Variants in ANGPTL1 observed in about 807,000 individuals in gnomAD.
ANGPTL1 encodes angiopoietin-related protein 1.
A neutral mutation model predicts 46.7 loss-of-function variants in ANGPTL1; 36 were observed. The ratio of observed to expected loss-of-function variants is 0.77; its 90% confidence interval spans 0.59 to 1.02. The LOEUF is 1.02. ANGPTL1 is among the 50% of genes least tolerant of loss of function. The pLI, the probability that ANGPTL1 is intolerant of heterozygous loss-of-function variation, is 0.00. For synonymous variants in ANGPTL1, 221 were observed against 204.3 expected (o/e 1.08, Z -0.69); for missense variants, 571 against 594.7 (o/e 0.96, Z 0.41).
chr1:178,855,093 A>G (rs1265976859), intron 3 of ANGPTL1, among the ~76,000 whole-genome samples: 1 of 152,128 alleles, frequency 6.6e-6, no homozygotes. Flanking sequence ...GTTCTTAACA[A>G]GAATTTCTGT....
chr1:178,853,869 T>A lies in ANGPTL1; in HGVS notation c.824-82A>T, dbSNP rs551697446. 3.6e-6 allele frequency: 4 copies of A among 1,116,338 alleles called. No homozygotes were observed. The South Asian group carries it at 8.4e-5, about 23-fold the overall frequency. The allele number at this position is 1,116,338 out of a possible 1,614,324, so 69.2% of individuals were successfully genotyped here. On this transcript the variant is annotated intron_variant, in intron 3 of 5. Transcript: ENST00000234816. ...AAAGTTTTTAATCAAGATTTTTACC[T>A]TTGTGTCTTTGTTTACAGTTACCAT...
In ANGPTL1 at chr1:178,852,678, C is replaced by T; in HGVS notation, c.1288+5G>A. 6.2e-7 allele frequency: 1 copy of T among 1,603,886 alleles called. No individual in the cohort carries two copies. The highest frequency in any genetic ancestry group is 8.5e-7 in the Non-Finnish European group (1 of 1,175,024). ...CTACAAAGAATGAAAGTTTTTCATA[C>T]TTACCTGCATACATATCTTTATCTC... On this transcript the variant is annotated splice_donor_5th_base_variant and intron_variant, in intron 5 of 5. Coordinates refer to ENST00000234816, the MANE Select transcript of ANGPTL1 (RefSeq NM_004673.4).
chr1:178,869,318 G>C (rs2102347220), intron 1 of ANGPTL1, 95 bp from the exon 2 acceptor site: 1 of 152,176 alleles, frequency 6.6e-6, no homozygotes, highest in South Asian at 2.1e-4. Context: ...ACTGAAAACA[G>C]CATGAGGCAA....
At chr1:178,856,394 ATTTTTTTTTTTTTTTTT>A (rs71108081) in intron 3 of ANGPTL1, among the ~76,000 whole-genome samples, 7 of 36,432 alleles carry the variant, frequency 1.9e-4, no homozygotes, top group African/African-American at 7.3e-4. Flanking sequence ...TGCCTGGCTA[ATTTTTTTTTTTTTTTTT>A]TTTTTTTTTT....
chr1:178,862,477 G>A (rs1658094759), intron 3 of ANGPTL1, among the ~76,000 whole-genome samples: 1 of 152,158 alleles, frequency 6.6e-6, no homozygotes, highest in Non-Finnish European at 1.5e-5. Context: ...GATAATTTAA[G>A]AGGGACTATA....
intron 3 of ANGPTL1, among the ~76,000 whole-genome samples, chr1:178,857,143 A>G (rs1657641880): frequency 6.6e-6 from 1 of 152,200 alleles, no homozygotes; most frequent in Non-Finnish European, 1.5e-5. Flanking sequence ...ATGGAAGGAA[A>G]AGTAAATTAT....
At chr1:178,856,200 G>GATATATATATATATATAT (rs1348083361) in intron 3 of ANGPTL1, among the ~76,000 whole-genome samples, 5 of 40,936 alleles carry the variant, frequency 1.2e-4, no homozygotes, top group African/African-American at 3.7e-4. Flanking sequence ...CAGAGAGAGA[G>GATATATATATATATATAT]AGATATATAT....
chr1:178,861,845 A>C (rs1265694229), intron 3 of ANGPTL1, among the ~76,000 whole-genome samples: 1 of 152,124 alleles, frequency 6.6e-6, no homozygotes, highest in African/African-American at 2.4e-5. Flanking sequence ...TTCCTTTGGA[A>C]ATCAAAGGGA....
chr1:178,855,608 C>A lies in ANGPTL1; in HGVS notation c.824-1821G>T, dbSNP rs551784923. Among the ~76,000 whole-genome samples the A allele has an allele frequency of 2.0e-5, 3 of 151,710 alleles. No homozygotes were observed. The East Asian group carries it at 5.8e-4, about 29-fold the overall frequency. The stretch of plus-strand genomic sequence containing the variant: ...ATTTTAGGTATTGTATTTTTTAGTT[C>A]TAGAGTTGCAATTTGATTTTTTATA... On this transcript the variant is annotated intron_variant, in intron 3 of 5. Transcript: ENST00000234816.
intron 3 of ANGPTL1, among the ~76,000 whole-genome samples, chr1:178,863,502 C>T (rs953273370): frequency 9.9e-5 from 15 of 152,140 alleles, no homozygotes; most frequent in African/African-American, 3.6e-4. Flanking sequence ...GTCATAACAT[C>T]AGAGGTATTA....
chr1:178,866,054 C>G (rs1000938748), intron 2 of ANGPTL1, among the ~76,000 whole-genome samples: 16 of 151,918 alleles, frequency 1.1e-4, no homozygotes, highest in African/African-American at 3.9e-4. Context: ...TTTTTGTTCC[C>G]CAGTTTATTG....
At position 178,853,806 on chromosome 1, in the gene ANGPTL1, T is replaced by G. The variant is rs1283069868; in HGVS notation, c.824-19A>C. Reference sequence around the variant, plus strand: ...AATGGTCCTATAATTTAAATATCATTTATTATCAGCAAACTTAATATGAGA... The same window carrying G: ...AATGGTCCTATAATTTAAATATCATGTATTATCAGCAAACTTAATATGAGA... On this transcript the variant is annotated intron_variant, in intron 3 of 5. Transcript: ENST00000234816. 1 of 1,524,810 alleles carries G rather than the reference T, an allele frequency of 6.6e-7. No individual in the cohort carries two copies. 94.5% of individuals were successfully genotyped at this position (1,524,810 alleles called of 1,614,324 possible).
At position 178,865,553 on chromosome 1, in the gene ANGPTL1, GT is replaced by G; in HGVS notation, c.223del (p.Thr75ProfsTer5). 1 of 1,614,028 alleles carries G rather than the reference GT, an allele frequency of 6.2e-7. No individual in the cohort carries two copies. The highest frequency in any genetic ancestry group is 8.5e-7 in the Non-Finnish European group (1 of 1,179,986). ...CVNTKGQDAS[T>X]IKDMITRMDL... is the part of the protein sequence containing the mutation. Reference sequence around the variant, plus strand: ...CATCCTGGTGATCATGTCTTTAATGGTACTTGCATCTTGCCCCTTGGTGTTG... The same window carrying G: ...CATCCTGGTGATCATGTCTTTAATGGACTTGCATCTTGCCCCTTGGTGTTG... On this transcript the variant is annotated frameshift_variant, in exon 3 of 6. Coordinates refer to ENST00000234816, the MANE Select transcript of ANGPTL1 (RefSeq NM_004673.4). LOFTEE classifies it high-confidence loss of function.
chr1:178,859,831 C>CCA (rs1421890795), intron 3 of ANGPTL1, among the ~76,000 whole-genome samples: 1 of 100,560 alleles, frequency 9.9e-6, no homozygotes, highest in African/African-American at 3.6e-5. Flanking sequence ...CCCCCCCCCC[C>CCA]CCAACCGCCC....
chr1:178,851,015 A>T lies in ANGPTL1; in HGVS notation c.*114T>A. ...TTATAGTTACGGTAAAATTCATTTT[A>T]AAAACTTTCTGTGTAGAAATAAATT... On this transcript the variant is annotated 3_prime_UTR_variant, in exon 6 of 6. Transcript: ENST00000234816. The T allele has an allele frequency of 9.8e-7, 1 of 1,023,132 alleles. No individual in the cohort carries two copies. The highest frequency in any genetic ancestry group is 1.3e-6 in the Non-Finnish European group (1 of 748,064). 63.4% of individuals were successfully genotyped at this position (1,023,132 alleles called of 1,614,324 possible). A position where few individuals can be genotyped will look rare whatever the true frequency, so the allele number is the denominator to read the frequency against.
intron 3 of ANGPTL1, among the ~76,000 whole-genome samples, chr1:178,856,200 G>GATATAT (rs1348083361): frequency 4.9e-4 from 20 of 40,932 alleles, no homozygotes; most frequent in Admixed American, 2.2e-3. Flanking sequence ...CAGAGAGAGA[G>GATATAT]AGATATATAT....
Position 178,852,900 on chromosome 1 carries a change from A to G in ANGPTL1, c.1071T>C (p.Tyr357=). The G allele has an allele frequency of 6.2e-7, 1 of 1,613,684 alleles. No homozygotes were observed. The highest frequency in any genetic ancestry group is 1.3e-5 in the African/African-American group (1 of 75,018). ...GEYWLGLENI[Y]MLSNQDNYKL... ...TGTAATTATCTTGATTGCTAAGCATATAGATATTTTCCAGTCCAAGCCAGT... is the reference window on the plus strand; with the variant it reads ...TGTAATTATCTTGATTGCTAAGCATGTAGATATTTTCCAGTCCAAGCCAGT... The change falls in exon 5 of 6, where the codon TAT becomes TAC. Residue 357 remains tyrosine, a synonymous_variant. Coordinates refer to ENST00000234816, the MANE Select transcript of ANGPTL1 (RefSeq NM_004673.4).
intron 2 of ANGPTL1, among the ~76,000 whole-genome samples, chr1:178,867,234 C>T (rs1658473650): frequency 6.6e-6 from 1 of 152,116 alleles, no homozygotes; most frequent in Non-Finnish European, 1.5e-5. Context: ...TCATGTTTTA[C>T]TTATCACCAC....
chr1:178,855,081 A>C (rs1558151689), intron 3 of ANGPTL1, among the ~76,000 whole-genome samples: 2 of 152,128 alleles, frequency 1.3e-5, no homozygotes, highest in East Asian at 3.9e-4. Flanking sequence ...TAGTCAAGTA[A>C]AGTTCTTAAC....
Sources: gnomAD v4.1 joint callset for allele counts (sites outside exome capture counted in the v4.1 genomes callset) on GRCh38, gnomAD v4.1.1 for gene constraint, MANE v1.5 for transcripts, NCBI Gene and HGNC (gene_info 2026-07-23, HGNC 2026-07-21) for gene names.